SIMC1: variants seen among roughly 807,000 people sequenced by gnomAD.
The protein encoded by SIMC1 is SUMO-interacting motif-containing protein 1.
In SIMC1, 55 loss-of-function variants were observed where a neutral mutation model predicts 82.3. The ratio of observed to expected loss-of-function variants is 0.67; its 90% CI spans 0.54 to 0.84. The LOEUF (loss-of-function observed/expected upper bound fraction) is 0.84. Among genes scored for constraint, SIMC1 ranks in the 40% least tolerant of loss-of-function variants. The probability of loss-of-function intolerance (pLI) is 0.00; values close to 1 mark genes in which losing one functional copy is unlikely to be tolerated. For missense variants in SIMC1, 915 were observed against 1,107.2 expected (o/e 0.83, Z 2.46); for synonymous variants, 353 against 426.3 (o/e 0.83, Z 2.12).
At chr5:176,341,432 G>A (rs746307129) in intron 9 of SIMC1, among the ~76,000 whole-genome samples, 21 of 152,240 alleles carry the variant, frequency 1.4e-4, no homozygotes, top group Non-Finnish European at 2.5e-4. Context: ...CCATCAAAGT[G>A]GTTGGTTCCA....
At chr5:176,279,786 G>A (rs1372066248) in intron 1 of SIMC1, among the ~76,000 whole-genome samples, 1 of 151,876 alleles carries the variant, frequency 6.6e-6, no homozygotes, top group Non-Finnish European at 1.5e-5. Context: ...GAGGAGTTTT[G>A]AGTGAGATTC....
At chr5:176,320,758 T>A (rs1015296574) in intron 5 of SIMC1, among the ~76,000 whole-genome samples, 2 of 152,008 alleles carry the variant, frequency 1.3e-5, no homozygotes, top group Non-Finnish European at 2.9e-5. Context: ...TTTTTTTTTT[T>A]AAGTAAATAG....
Position 176,290,509 on chromosome 5 carries a change from C to T in SIMC1, c.985C>T (p.Pro329Ser). The T allele has an allele frequency of 6.2e-7, 1 of 1,613,962 alleles. No homozygotes were observed. The highest frequency in any genetic ancestry group is 1.3e-5 in the African/African-American group (1 of 75,028). The change falls in exon 2 of 10, where the codon CCA becomes TCA. Residue 329 changes from proline to serine, a missense_variant. This residue lies in a region of SIMC1 where 902 missense variants were observed against 1,040.3 expected (regional missense o/e 0.87). Coordinates refer to ENST00000429602, the MANE Select transcript of SIMC1 (RefSeq NM_001308195.2). ...TGATGTTTCACCGTCACCAGATGCA[C>T]CACAGTCACCAGGGGGCATGCCACA... Reference protein sequence around the residue: ...PSDVSPSPDAPQSPGGMPHLP... With the variant: ...PSDVSPSPDASQSPGGMPHLP...
rs1333551330 is a variant in SIMC1 at position 176,322,311 on chromosome 5, A to T, written c.1928A>T (p.Asp643Val). ...IKWLVKAVTE[D>V]GLTQPPNGNQ... ...TGGCTGGTCAAAGCAGTAACTGAAG[A>T]TGGATTGACTCAGCCCCCAAATGGA... Residue 643 changes from aspartate to valine, a missense_variant, in exon 6 of 10, where the codon GAT becomes GTT. Asp to Val is a radical substitution (Grantham distance 152, BLOSUM62 -3). Coordinates refer to ENST00000429602, the MANE Select transcript of SIMC1 (RefSeq NM_001308195.2). The T allele has an allele frequency of 6.3e-7, 1 of 1,577,708 alleles. No individual in the cohort carries two copies. The highest frequency in any genetic ancestry group is 1.9e-5 in the Admixed American group (1 of 53,928).
intron 1 of SIMC1, among the ~76,000 whole-genome samples, chr5:176,252,326 G>A (rs1367044381): frequency 1.3e-5 from 2 of 151,568 alleles, no homozygotes; most frequent in Admixed American, 6.6e-5. Flanking sequence ...GGGCAGAGAC[G>A]CTCCTCACTT....
At chr5:176,313,563 T>G (rs1581299716) in intron 4 of SIMC1, 128 bp from the exon 5 acceptor site, 2 of 1,555,670 alleles carry the variant, frequency 1.3e-6, no homozygotes, top group East Asian at 4.5e-5. Context: ...TAGGAGCCTC[T>G]CTTTTAAGCA....
intron 1 of SIMC1, among the ~76,000 whole-genome samples, chr5:176,253,546 A>G (rs761776975): frequency 6.6e-6 from 1 of 152,102 alleles, no homozygotes; most frequent in Non-Finnish European, 1.5e-5. Flanking sequence ...CAGTGCCAGG[A>G]TGGACCTATC....
chr5:176,272,198 A>AG, intron 1 of SIMC1, among the ~76,000 whole-genome samples: 1 of 116,924 alleles, frequency 8.6e-6, no homozygotes, highest in East Asian at 2.6e-4. Context: ...AAAAAAAAAA[A>AG]GGTGGGCATG....
At position 176,241,486 on chromosome 5, in the gene SIMC1, G is replaced by C. The variant is rs969459590; in HGVS notation, c.129+2849G>C. On this transcript the variant is annotated intron_variant, in intron 1 of 9. Transcript: ENST00000429602. The stretch of plus-strand genomic sequence containing the variant: ...AGTGAAAAATTCCCTCATAATCTTT[G>C]TACTCTTGTTCATTTGTTTATTAAG... Among the ~76,000 whole-genome samples, 2 of 145,912 alleles carry C rather than the reference G, an allele frequency of 1.4e-5. 1 individual carries two copies. The highest frequency in any genetic ancestry group is 3.0e-5 in the Non-Finnish European group (2 of 66,356).
chr5:176,300,401 C>T (rs1224262707), intron 4 of SIMC1, among the ~76,000 whole-genome samples: 1 of 152,178 alleles, frequency 6.6e-6, no homozygotes, highest in Non-Finnish European at 1.5e-5. Context: ...TTACTGAAAC[C>T]TTGAACTTCT....
intron 1 of SIMC1, among the ~76,000 whole-genome samples, chr5:176,241,534 T>G (rs562734848): frequency 6.6e-6 from 1 of 151,578 alleles, no homozygotes; most frequent in Non-Finnish European, 1.5e-5. Flanking sequence ...GTTAGATTGC[T>G]GAGTCAAAAG....
intron 3 of SIMC1, chr5:176,295,976 G>A (rs1225005285): frequency 3.9e-6 from 2 of 515,542 alleles, no homozygotes; most frequent in African/African-American, 1.9e-5. Flanking sequence ...TGGGGTTCTG[G>A]TAGGTAAAAC....
intron 1 of SIMC1, among the ~76,000 whole-genome samples, chr5:176,273,654 C>T (rs371448558): frequency 6.6e-6 from 1 of 151,044 alleles, no homozygotes; most frequent in Non-Finnish European, 1.5e-5. Context: ...TCCCTCCCCC[C>T]TCACCTCACC....
chr5:176,275,172 T>C (rs958785330), intron 1 of SIMC1, among the ~76,000 whole-genome samples: 10 of 151,700 alleles, frequency 6.6e-5, no homozygotes, highest in African/African-American at 1.4e-4. Flanking sequence ...TTTGTAGTTC[T>C]CCTTGAAGAG....
At chr5:176,255,408 C>G (rs887721179) in intron 1 of SIMC1, among the ~76,000 whole-genome samples, 2 of 151,812 alleles carry the variant, frequency 1.3e-5, no homozygotes, top group Non-Finnish European at 2.9e-5. Flanking sequence ...ATGGTGAAAC[C>G]CTGTCTCTAC....
chr5:176,267,733 G>GTTTTTTTTTTT (rs1159766316), intron 1 of SIMC1, among the ~76,000 whole-genome samples: 1 of 27,238 alleles, frequency 3.7e-5, no homozygotes, highest in African/African-American at 2.0e-4. Context: ...TTTTCTTTCT[G>GTTTTTTTTTTT]TTTTTTTTTT....
intron 4 of SIMC1, among the ~76,000 whole-genome samples, chr5:176,298,964 T>G (rs149343769): frequency 6.6e-6 from 1 of 152,360 alleles, no homozygotes; most frequent in Non-Finnish European, 1.5e-5. Flanking sequence ...TAGTAAGTTC[T>G]TCCCTGTCAG....
chr5:176,252,187 CG>C (rs1437584304), intron 1 of SIMC1, among the ~76,000 whole-genome samples: 3 of 144,712 alleles, frequency 2.1e-5, no homozygotes, highest in Non-Finnish European at 3.1e-5. Flanking sequence ...ACCTCCCGGA[CG>C]GGGCGGCTGG....
chr5:176,252,002 C>A (rs912117683), intron 1 of SIMC1, among the ~76,000 whole-genome samples: 4 of 151,746 alleles, frequency 2.6e-5, no homozygotes, highest in African/African-American at 9.7e-5. Context: ...GACACGGCAA[C>A]CATCCGATTT....
Sources: allele counts gnomAD v4.1 joint callset (sites outside exome capture counted in the v4.1 genomes callset), GRCh38; gene constraint gnomAD v4.1.1; regional missense constraint gnomAD v4.1.1; transcripts MANE v1.5; gene names NCBI Gene and HGNC (gene_info 2026-07-23, HGNC 2026-07-21).